Variants in TMEM161A observed in about 807,000 individuals in gnomAD.
The protein encoded by TMEM161A is adaptive response to oxidative stress protein 29.
Under a neutral mutation model 57.1 loss-of-function variants are expected in TMEM161A, and 46 were observed. The ratio of observed to expected loss-of-function variants is 0.81; its 90% confidence interval spans 0.64 to 1.03. The LOEUF (loss-of-function observed/expected upper bound fraction) is 1.03, where lower values mean the gene tolerates loss of function less well. TMEM161A is among the 50% of genes least tolerant of loss of function. The pLI is 0.00. For missense variants in TMEM161A, 601 were observed against 621.5 expected (o/e 0.97, Z 0.35); for synonymous variants, 288 against 279.0 (o/e 1.03, Z -0.32).
intron 6 of TMEM161A, among the ~76,000 whole-genome samples, chr19:19,124,952 T>A (rs954292557): frequency 2.6e-5 from 4 of 151,630 alleles, no homozygotes; most frequent in Admixed American, 6.6e-5. Context: ...CAAAACTCCA[T>A]CTCAAAACAA....
intron 5 of TMEM161A, 182 bp from the exon 6 acceptor site, chr19:19,130,489 T>C: frequency 7.2e-6 from 5 of 694,268 alleles, no homozygotes; most frequent in African/African-American, 1.8e-5. Context: ...GGGCTGGGGG[T>C]TCCCGTTGAG....
chr19:19,133,203 G>C lies in TMEM161A; in HGVS notation c.115C>G (p.Arg39Gly). 1 of 1,614,100 alleles carries C rather than the reference G, an allele frequency of 6.2e-7. No individual in the cohort carries two copies. Among genetic ancestry groups the C allele is most frequent in the Non-Finnish European group, 8.5e-7 (1 of 1,180,006 alleles). Reference protein sequence around the residue: ...RWLLCNGSLFRYKHPSEEELR... With the variant: ...RWLLCNGSLFGYKHPSEEELR... ...TCCTCCTCAGACGGGTGCTTGTATC[G>C]GAACAAACTGAGAGCAAGGACGGGC... The change falls in exon 3 of 12, where the codon CGA (arginine) becomes GGA (glycine). Residue 39 changes from arginine to glycine, a missense_variant. Arg to Gly is a moderately radical substitution (Grantham distance 125). Transcript: ENST00000162044.
chr19:19,121,212 G>A lies in TMEM161A; in HGVS notation c.915-46C>T, dbSNP rs957224738. 1 of 1,552,366 alleles carries A rather than the reference G, an allele frequency of 6.4e-7. No homozygotes were observed. The highest frequency in any genetic ancestry group is 8.7e-7 in the Non-Finnish European group (1 of 1,147,408). On this transcript the variant is annotated intron_variant, in intron 9 of 11. Transcript: ENST00000162044. The surrounding 1 kb of genome is among the most constrained non-coding windows in gnomAD (Gnocchi z 5.8). Reference sequence around the variant, plus strand: ...GCAAGGGACTAAGAAGGTCGCCCCCGACCCCCCAGGATCTTCCCCAGGCTC... The same window carrying A: ...GCAAGGGACTAAGAAGGTCGCCCCCAACCCCCCAGGATCTTCCCCAGGCTC...
At chr19:19,125,510 C>A (rs2146329687) in intron 6 of TMEM161A, among the ~76,000 whole-genome samples, 1 of 149,594 alleles carries the variant, frequency 6.7e-6, no homozygotes, top group South Asian at 2.1e-4. Context: ...GCCACCTTGC[C>A]CAGCTTTTTT....
intron 6 of TMEM161A, among the ~76,000 whole-genome samples, chr19:19,127,068 T>C (rs2059934275): frequency 6.6e-6 from 1 of 151,846 alleles, no homozygotes; most frequent in African/African-American, 2.4e-5. Flanking sequence ...AATAAAATGG[T>C]TCAGCTGCTG....
At position 19,120,203 on chromosome 19, in the gene TMEM161A, C is replaced by T. The variant is rs201028863; in HGVS notation, c.1187-20G>A. On this transcript the variant is annotated intron_variant, in intron 11 of 11. Coordinates refer to ENST00000162044, the MANE Select transcript of TMEM161A (RefSeq NM_017814.3). The stretch of plus-strand genomic sequence containing the variant: ...AGCCTCCTAGGAGAAGAGGATGAAG[C>T]GAGGTATGAGTGGAAAAATGGGGGA... The T allele has an allele frequency of 9.9e-6, 15 of 1,520,880 alleles. No homozygotes were observed. The highest frequency in any genetic ancestry group is 1.3e-5 in the Non-Finnish European group (15 of 1,129,872). The allele number at this position is 1,520,880 out of a possible 1,614,324, so 94.2% of individuals were successfully genotyped here. A position where few individuals can be genotyped will look rare whatever the true frequency, so the allele number is the denominator to read the frequency against.
Position 19,135,384 on chromosome 19 carries a change from G to A in TMEM161A, c.4-497C>T, listed in dbSNP as rs1319845647. ...TTCTAGCTTTCTCCTTCACCTGGTAGCTCCTTCCCCTAAGTGTCTCCCACC... is the reference window on the plus strand; with the variant it reads ...TTCTAGCTTTCTCCTTCACCTGGTAACTCCTTCCCCTAAGTGTCTCCCACC... On this transcript the variant is annotated intron_variant, in intron 1 of 11. Transcript: ENST00000162044. Among the ~76,000 whole-genome samples, 3 of 151,962 alleles carry A rather than the reference G, an allele frequency of 2.0e-5. No homozygotes were observed. In the East Asian group the frequency reaches 5.8e-4, roughly 29 times the overall value.
At chr19:19,130,650 A>G in intron 5 of TMEM161A, 1 of 290,608 alleles carries the variant, frequency 3.4e-6, no homozygotes, top group Non-Finnish European at 6.8e-6. Context: ...AAAATGCAGC[A>G]TGGGGGCCAG....
rs777791824 is a variant in TMEM161A at position 19,121,708 on chromosome 19, T to C, written c.657-40A>G. 45 of 1,612,774 alleles carry C rather than the reference T, an allele frequency of 2.8e-5. No individual in the cohort carries two copies. Among genetic ancestry groups the C allele is most frequent in the Non-Finnish European group, 3.6e-5 (43 of 1,179,094 alleles). ...GGTCACGAGCCTGCCTGGGGGACCC[T>C]GGGAGGGTCCCAGCCTGCCCTTGCC... On this transcript the variant is annotated intron_variant, in intron 7 of 11. Transcript: ENST00000162044. The surrounding 1 kb of genome is among the most constrained non-coding windows in gnomAD (Gnocchi z 5.8).
rs750567837 is a variant in TMEM161A at position 19,132,512 on chromosome 19, TG to T, written c.287-5del. On this transcript the variant is annotated splice_polypyrimidine_tract_variant and splice_region_variant and intron_variant, in intron 4 of 11. Coordinates refer to ENST00000162044, the MANE Select transcript of TMEM161A (RefSeq NM_017814.3). This position sits in a 1 kb window ranked among gnomAD's most constrained non-coding sequence, Gnocchi z 4.3. ...TACTCCAGGAAGAAGCGCAGGACTG[TG>T]GGGGGCACTCTGCTCAGCCCTGGGG... The T allele has an allele frequency of 2.5e-5, 41 of 1,612,606 alleles. No individual in the cohort carries two copies. The highest frequency in any genetic ancestry group is 1.7e-5 in the Non-Finnish European group (20 of 1,179,220).
chr19:19,127,939 C>CA (rs1568536191), intron 6 of TMEM161A, among the ~76,000 whole-genome samples: 1 of 151,170 alleles, frequency 6.6e-6, no homozygotes, highest in Non-Finnish European at 1.5e-5. Context: ...GATCCTGTCT[C>CA]AAAAAAAGAA....
chr19:19,134,198 A>T (rs1241704264), intron 2 of TMEM161A, among the ~76,000 whole-genome samples: 1 of 152,164 alleles, frequency 6.6e-6, no homozygotes, highest in South Asian at 2.1e-4. Context: ...CAGGGGTGGA[A>T]GGAAGGCTGG....
chr19:19,130,108 A>G, intron 6 of TMEM161A, 48 bp downstream of exon 6: 1 of 1,605,712 alleles, frequency 6.2e-7, no homozygotes, highest in African/African-American at 1.3e-5. Context: ...GTCAGATTAC[A>G]TGAGGGAGTG....
In TMEM161A at chr19:19,121,944, C is replaced by G; in HGVS notation, c.596-125G>C. On this transcript the variant is annotated intron_variant, in intron 6 of 11. Coordinates refer to ENST00000162044, the MANE Select transcript of TMEM161A (RefSeq NM_017814.3). This position sits in a 1 kb window ranked among gnomAD's most constrained non-coding sequence, Gnocchi z 5.8. ...CCAAGTAGGAATGAACAAGGGTCTG[C>G]CAGGCCCTGAGCCAGGCACAAGGAC... 1 of 1,073,716 alleles carries G rather than the reference C, an allele frequency of 9.3e-7. No individual in the cohort carries two copies. The highest frequency in any genetic ancestry group is 1.3e-6 in the Non-Finnish European group (1 of 744,112). 66.5% of individuals were successfully genotyped at this position (1,073,716 alleles called of 1,614,324 possible).
rs72993493 is a variant in TMEM161A at position 19,132,108 on chromosome 19, C to G, written c.443+244G>C. Among the ~76,000 whole-genome samples, 4 of 152,334 alleles carry G rather than the reference C, an allele frequency of 2.6e-5. No homozygotes were observed. Among genetic ancestry groups the G allele is most frequent in the Non-Finnish European group, 5.9e-5 (4 of 68,036 alleles). The stretch of plus-strand genomic sequence containing the variant: ...TTGGGCAAGGCATTCCCTCCTGCCT[C>G]CTGGCATTTCTACTGCCACCAAAGG... On this transcript the variant is annotated intron_variant, in intron 5 of 11. Coordinates refer to ENST00000162044, the MANE Select transcript of TMEM161A (RefSeq NM_017814.3). The surrounding 1 kb of genome is among the most constrained non-coding windows in gnomAD (Gnocchi z 4.3).
Position 19,132,718 on chromosome 19 carries a change from A to G in TMEM161A, c.225T>C (p.Ser75=). 6.3e-7 allele frequency: 1 copy of G among 1,575,686 alleles called. No homozygotes were observed. Among genetic ancestry groups the G allele is most frequent in the Non-Finnish European group, 8.6e-7 (1 of 1,161,350 alleles). Residue 75 remains serine (S), a synonymous_variant, in exon 4 of 12, where the codon TCT becomes TCC. Transcript: ENST00000162044. This position sits in a 1 kb window ranked among gnomAD's most constrained non-coding sequence, Gnocchi z 4.3. The part of the protein sequence containing the change: ...ANGLSEEKPL[S]VPRDAPFQLE... ...GCTGGAACGGGGCATCTCGGGGCAC[A>G]GACAGTGGCTTCTCCTCACTAAGGC...
At chr19:19,127,890 T>C (rs1463237222) in intron 6 of TMEM161A, among the ~76,000 whole-genome samples, 1 of 152,050 alleles carries the variant, frequency 6.6e-6, no homozygotes, top group Admixed American at 6.6e-5. Context: ...CAGTGAGTTG[T>C]GATTGCACCA....
intron 6 of TMEM161A, among the ~76,000 whole-genome samples, chr19:19,124,578 G>C (rs561963614): frequency 6.6e-6 from 1 of 152,140 alleles, no homozygotes; most frequent in Non-Finnish European, 1.5e-5. Context: ...ATAGGTCAAA[G>C]CATAGCAAGA....
chr19:19,131,304 G>A (rs2059957166), intron 5 of TMEM161A, among the ~76,000 whole-genome samples: 1 of 152,050 alleles, frequency 6.6e-6, no homozygotes, highest in African/African-American at 2.4e-5. Context: ...CACTCCAAAA[G>A]TCACAGGAGT....
Sources: allele counts gnomAD v4.1 joint callset (sites outside exome capture counted in the v4.1 genomes callset), GRCh38; gene constraint gnomAD v4.1.1; non-coding constraint Gnocchi (gnomAD v3.1); transcripts MANE v1.5; gene names NCBI Gene and HGNC (gene_info 2026-07-23, HGNC 2026-07-21).